The following FAM163B variants were observed in gnomAD, a reference collection of about 807,000 sequenced individuals.
FAM163B encodes family with sequence similarity 163 member B.
A neutral mutation model predicts 7.6 loss-of-function variants in FAM163B; 4 were observed. The observed-to-expected ratio is 0.52, with a 90% CI of 0.26 to 1.20. The LOEUF (loss-of-function observed/expected upper bound fraction) is 1.20, where lower values mean the gene tolerates loss of function less well. Ranked by LOEUF, FAM163B falls within the 50% of genes most tolerant of loss-of-function variation. The pLI, the probability that FAM163B is intolerant of heterozygous loss-of-function variation, is 0.14. For missense variants in FAM163B, 250 were observed against 243.0 expected, an observed-to-expected ratio of 1.03 and a Z score of -0.19; for synonymous variants, 120 against 111.6, an observed-to-expected ratio of 1.07 and a Z score of -0.47.
chr9:133,604,994 C>T (rs989701699), intron 1 of FAM163B, among the ~76,000 whole-genome samples: 1 of 152,180 alleles, frequency 6.6e-6, no homozygotes, highest in African/African-American at 2.4e-5. Flanking sequence ...ATGGAGGTGG[C>T]GATGATCCTG....
Position 133,579,372 on chromosome 9 carries a change from CGGCGAA to C in FAM163B, c.145_150del (p.Phe49_Ala50del). ...TGCAGCGGGGGCAGGTGCGAGTGAA[CGGCGAA>C]GTCTGGTTCCTCCTCGTCCTCCTCC... On this transcript the variant is annotated inframe_deletion, in exon 3 of 3. Transcript: ENST00000673969. The C allele has an allele frequency of 6.2e-7, 1 of 1,611,958 alleles. No individual in the cohort carries two copies. Among genetic ancestry groups the C allele is most frequent in the South Asian group, 1.1e-5 (1 of 90,632 alleles).
At position 133,579,227 on chromosome 9, in the gene FAM163B, G is replaced by C; in HGVS notation, c.296C>G (p.Pro99Arg). The C allele has an allele frequency of 1.2e-6, 2 of 1,611,976 alleles. No homozygotes were observed. The highest frequency in any genetic ancestry group is 2.2e-5 in the East Asian group (1 of 44,874). Reference protein sequence around the residue: ...ALCRSCSHCEPPTFFLQEPPE... With the variant: ...ALCRSCSHCERPTFFLQEPPE... ...CGGCTCCTGCAGGAAGAAGGTGGGG[G>C]GCTCGCAGTGGGAGCAGCTGCGGCA... The change falls in exon 3 of 3, where the codon CCC (proline) becomes CGC (arginine). Residue 99 changes from proline (P) to arginine (R), a missense_variant. By Grantham distance (103) the Pro-to-Arg change is moderately radical (BLOSUM62 -2). Coordinates refer to ENST00000673969, the MANE Select transcript of FAM163B (RefSeq NM_001080515.3).
chr9:133,606,377 C>T lies in FAM163B; in HGVS notation c.-24+2700G>A, dbSNP rs1205986932. Among the ~76,000 whole-genome samples, 4 of 152,224 alleles carry T rather than the reference C, an allele frequency of 2.6e-5. No homozygotes were observed. Among genetic ancestry groups the T allele is most frequent in the Admixed American group, 2.0e-4 (3 of 15,284 alleles). On this transcript the variant is annotated intron_variant, in intron 1 of 2. Coordinates refer to ENST00000673969, the MANE Select transcript of FAM163B (RefSeq NM_001080515.3). This position sits in a 1 kb window ranked among gnomAD's most constrained non-coding sequence, Gnocchi z 4.0. The stretch of plus-strand genomic sequence containing the variant: ...GGAACTCATCAAATCCCCTCTGGAG[C>T]AGATCCAGAAAGACTGAGACACTGC...
In FAM163B at chr9:133,608,554, T is replaced by C. The variant is rs138683987; in HGVS notation, c.-24+523A>G. Among the ~76,000 whole-genome samples the C allele has an allele frequency of 1.6e-4, 25 of 152,322 alleles. No individual in the cohort carries two copies. The East Asian group carries it at 4.6e-3, about 28-fold the overall frequency. On this transcript the variant is annotated intron_variant, in intron 1 of 2. Transcript: ENST00000673969. ...GGCCATCTCCACCACTTCCCCACTC[T>C]GTGATCGTGGGCAAGAGACCAAACC...
At chr9:133,598,291 G>A (rs1831660626) in intron 1 of FAM163B, among the ~76,000 whole-genome samples, 2 of 151,966 alleles carry the variant, frequency 1.3e-5, no homozygotes. Flanking sequence ...CCTTCTGAGC[G>A]AGCATGGGGT....
At chr9:133,579,653 C>T (rs894742533) in intron 2 of FAM163B, among the ~76,000 whole-genome samples, 12 of 152,262 alleles carry the variant, frequency 7.9e-5, no homozygotes, top group African/African-American at 2.7e-4. Context: ...TTCCGCCCAG[C>T]AACGTGCAGG....
At chr9:133,599,721 ATGTG>A in intron 1 of FAM163B, among the ~76,000 whole-genome samples, 1 of 150,018 alleles carries the variant, frequency 6.7e-6, no homozygotes. Context: ...GAGCATGTGC[ATGTG>A]TGTCTGTGTG....
In FAM163B at chr9:133,579,086, G is replaced by C; in HGVS notation, c.437C>G (p.Pro146Arg). 1 of 1,595,070 alleles carries C rather than the reference G, an allele frequency of 6.3e-7. No homozygotes were observed. Among genetic ancestry groups the C allele is most frequent in the Non-Finnish European group, 8.5e-7 (1 of 1,172,758 alleles). The change falls in exon 3 of 3, where the codon CCC becomes CGC. Residue 146 changes from proline to arginine, a missense_variant. Physicochemically the swap from Pro to Arg is moderately radical, Grantham distance 103. Transcript: ENST00000673969. ...CTCCCGCATGGCTGAGAGGCGGTTG[G>C]GGTTGAGCGCCTGCAGGCCCCCGAA... ...GGFGGLQALN[P>R]NRLSAMREAF... is the part of the protein sequence containing the mutation.
At chr9:133,599,528 T>C (rs558185704) in intron 1 of FAM163B, among the ~76,000 whole-genome samples, 2 of 152,224 alleles carry the variant, frequency 1.3e-5, no homozygotes, top group Admixed American at 1.3e-4. Flanking sequence ...CATATGTATG[T>C]GTCTGTGTGC....
intron 1 of FAM163B, among the ~76,000 whole-genome samples, chr9:133,582,688 C>G (rs965025336): frequency 6.6e-6 from 1 of 152,234 alleles, no homozygotes; most frequent in Non-Finnish European, 1.5e-5. Context: ...GCTGTCCTTT[C>G]GGCCACAGTT....
Position 133,597,516 on chromosome 9 carries a change from C to T in FAM163B, c.-24+11561G>A, listed in dbSNP as rs186023305. ...GGAGAAGTTCAAGGGGTCTAATATACGTATAACTGGAATCTCCAAAGAAGT... is the reference window on the plus strand; with the variant it reads ...GGAGAAGTTCAAGGGGTCTAATATATGTATAACTGGAATCTCCAAAGAAGT... On this transcript the variant is annotated intron_variant, in intron 1 of 2. Transcript: ENST00000673969. 2.2e-4 allele frequency among the ~76,000 whole-genome samples: 33 copies of T among 152,148 alleles called. 1 individual carries two copies. In the East Asian group the frequency reaches 6.2e-3, roughly 28 times the overall value.
intron 1 of FAM163B, among the ~76,000 whole-genome samples, chr9:133,594,506 T>C (rs886780475): frequency 6.6e-6 from 1 of 151,968 alleles, no homozygotes; most frequent in Non-Finnish European, 1.5e-5. Context: ...GAGCAAGCCT[T>C]TCCTGATTCC....
intron 1 of FAM163B, among the ~76,000 whole-genome samples, chr9:133,592,290 A>ATCTAGAGT (rs1252803774): frequency 3.3e-5 from 5 of 152,164 alleles, no homozygotes; most frequent in African/African-American, 1.2e-4. Context: ...GTCTACAGGA[A>ATCTAGAGT]TCACGACTGC....
Position 133,597,151 on chromosome 9 carries a change from A to G in FAM163B, c.-24+11926T>C, listed in dbSNP as rs115991957. 5.3e-3 allele frequency among the ~76,000 whole-genome samples: 808 copies of G among 152,346 alleles called. 7 individuals carry two copies. The highest frequency in any genetic ancestry group is 0.019 in the African/African-American group (773 of 41,574). On this transcript the variant is annotated intron_variant, in intron 1 of 2. Coordinates refer to ENST00000673969, the MANE Select transcript of FAM163B (RefSeq NM_001080515.3). The stretch of plus-strand genomic sequence containing the variant: ...ACAAACCACAGTGAACAGAAAATCA[A>G]TTCATTGGAACTAACCCCGAAGTGG...
chr9:133,580,095 C>G (rs1831333387), intron 2 of FAM163B, 36 bp downstream of exon 2: 2 of 1,585,800 alleles, frequency 1.3e-6, no homozygotes, highest in Non-Finnish European at 1.7e-6. Flanking sequence ...CTCTGGGCCT[C>G]CCTGCCCTGT....
intron 1 of FAM163B, among the ~76,000 whole-genome samples, chr9:133,593,778 C>T (rs1053800223): frequency 4.6e-5 from 7 of 152,256 alleles, no homozygotes; most frequent in Admixed American, 1.3e-4. Flanking sequence ...GACAGGCTGT[C>T]GGCAGGCTAG....
At position 133,609,107 on chromosome 9, in the gene FAM163B, C is replaced by T. The variant is rs979267235; in HGVS notation, c.-54G>A. Among the ~76,000 whole-genome samples, 5 of 152,140 alleles carry T rather than the reference C, an allele frequency of 3.3e-5. No homozygotes were observed. Among genetic ancestry groups the T allele is most frequent in the African/African-American group, 1.2e-4 (5 of 41,456 alleles). On this transcript the variant is annotated 5_prime_UTR_variant, in exon 1 of 3. Coordinates refer to ENST00000673969, the MANE Select transcript of FAM163B (RefSeq NM_001080515.3). ...AGCATGGGAACCGCGCTGCCCCGGC[C>T]GCGAGGACTTGGGCGCACGTGACGG...
chr9:133,586,108 A>G (rs1233803183), intron 1 of FAM163B: 1 of 152,226 alleles, frequency 6.6e-6, no homozygotes, highest in Middle Eastern at 3.2e-3. Flanking sequence ...AGTAATAAAC[A>G]GACGAGGAAG....
intron 1 of FAM163B, among the ~76,000 whole-genome samples, chr9:133,584,047 A>AT: frequency 1.7e-5 from 1 of 59,722 alleles, no homozygotes; most frequent in East Asian, 3.3e-4. Flanking sequence ...TGGGATGCCC[A>AT]TCCCCCCCCC....
Sources: allele counts gnomAD v4.1 joint callset (sites outside exome capture counted in the v4.1 genomes callset), GRCh38; gene constraint gnomAD v4.1.1; non-coding constraint Gnocchi (gnomAD v3.1); transcripts MANE v1.5; gene names NCBI Gene and HGNC (gene_info 2026-07-23, HGNC 2026-07-21).